TET3: variants seen among roughly 807,000 people sequenced by gnomAD.
The protein encoded by TET3 is tet methylcytosine dioxygenase 3, also known as methylcytosine dioxygenase TET3.
A neutral mutation model predicts 141.4 loss-of-function variants in TET3; 19 were observed. The observed-to-expected ratio is 0.13, with a 90% CI of 0.09 to 0.20. The LOEUF is 0.20. Among genes scored for constraint, TET3 ranks in the 10% least tolerant of loss-of-function variants. The probability of loss-of-function intolerance (pLI) is 1.00; values close to 1 mark genes in which losing one functional copy is unlikely to be tolerated. For synonymous variants in TET3, 1,043 were observed against 980.9 expected (o/e 1.06, Z -1.18); for missense variants, 1,874 against 2,356.9 (o/e 0.80, Z 4.24).
chr2:74,095,427 G>A (rs1458940717), intron 10 of TET3, among the ~76,000 whole-genome samples: 2 of 151,956 alleles, frequency 1.3e-5, no homozygotes, highest in Non-Finnish European at 1.5e-5. Flanking sequence ...AGAGTTTGGG[G>A]TTGAAAAAAG....
chr2:74,055,306 C>T (rs1296313348), intron 4 of TET3, among the ~76,000 whole-genome samples: 1 of 152,156 alleles, frequency 6.6e-6, no homozygotes, highest in African/African-American at 2.4e-5. Context: ...TATTTATACT[C>T]TGCAAAGGTG....
chr2:74,095,895 A>G (rs1690796874), intron 10 of TET3, among the ~76,000 whole-genome samples: 1 of 152,192 alleles, frequency 6.6e-6, no homozygotes, highest in Non-Finnish European at 1.5e-5. Flanking sequence ...TAATTCTCCT[A>G]CTTACTTGGC....
intron 2 of TET3, among the ~76,000 whole-genome samples, chr2:73,989,540 C>T (rs75857081): frequency 2.9e-4 from 44 of 152,118 alleles, no homozygotes; most frequent in African/African-American, 1.0e-3. Context: ...TGGGCTTTGT[C>T]GGTGGGGAGA....
intron 3 of TET3, among the ~76,000 whole-genome samples, chr2:74,008,412 G>T (rs1685256369): frequency 6.6e-6 from 1 of 152,216 alleles, no homozygotes; most frequent in Non-Finnish European, 1.5e-5. Context: ...GAACAGTTGG[G>T]GAGGAAGCCA....
the TET3 span, chr2:74,135,392 A>G: frequency 1.1e-5 from 9 of 854,822 alleles, no homozygotes; most frequent in East Asian, 2.4e-4. Context: ...AACCTGAAAC[A>G]TTACTAATGA....
the TET3 span, among the ~76,000 whole-genome samples, chr2:74,133,994 C>T: frequency 0.44 from 66,622 of 151,890 alleles, 14,794 homozygotes; most frequent in South Asian, 0.54. Context: ...CCCCCCCCCT[C>T]GGCCTCTCAA....
Position 74,087,345 on chromosome 2 carries a change from G to A in TET3, c.2680-485G>A, listed in dbSNP as rs1480888422. ...CGAGTGTATTCCTAGGCATGGAATT[G>A]CTGGATCATATGGTAATCCTATGTT... On this transcript the variant is annotated intron_variant, in intron 6 of 11. Coordinates refer to ENST00000409262, the MANE Select transcript of TET3 (RefSeq NM_001287491.2). This position sits in a 1 kb window ranked among gnomAD's most constrained non-coding sequence, Gnocchi z 4.3. Among the ~76,000 whole-genome samples, 1 of 152,158 alleles carries A rather than the reference G, an allele frequency of 6.6e-6. No individual in the cohort carries two copies. Among genetic ancestry groups the A allele is most frequent in the African/African-American group, 2.4e-5 (1 of 41,424 alleles).
Position 74,100,833 on chromosome 2 carries a change from G to A in TET3, c.4045G>A (p.Ala1349Thr), listed in dbSNP as rs1390296758. The change falls in exon 12 of 12, where the codon GCC becomes ACC. Residue 1349 changes from alanine to threonine, a missense_variant. By Grantham distance (58) the Ala-to-Thr change is moderately conservative. Around this residue, in one of 10 missense-constraint regions of TET3, gnomAD observed 602 missense variants for 590.2 expected, o/e 1.02. Coordinates refer to ENST00000409262, the MANE Select transcript of TET3 (RefSeq NM_001287491.2). ...GCCCAGCCAGGCTGTTCCCACAGAC[G>A]CCCACCACCCCACTCCTCACCACCA... Reference protein sequence around the residue: ...ELPSQAVPTDAHHPTPHHQQP... With the variant: ...ELPSQAVPTDTHHPTPHHQQP... 53 of 1,611,734 alleles carry A rather than the reference G, an allele frequency of 3.3e-5. No homozygotes were observed. Among genetic ancestry groups the A allele is most frequent in the Non-Finnish European group, 3.6e-5 (42 of 1,179,162 alleles).
intron 3 of TET3, among the ~76,000 whole-genome samples, chr2:74,024,283 A>G (rs1219911464): frequency 6.6e-6 from 1 of 152,172 alleles, no homozygotes; most frequent in Non-Finnish European, 1.5e-5. Flanking sequence ...TTGTATGCTC[A>G]TGGTTGGAAC....
intron 4 of TET3, among the ~76,000 whole-genome samples, chr2:74,069,200 TA>T (rs1689068310): frequency 6.6e-6 from 1 of 151,658 alleles, no homozygotes; most frequent in Non-Finnish European, 1.5e-5. Context: ...GGGGATAAGG[TA>T]TTAAGTATGG....
chr2:73,998,783 G>A lies in TET3; in HGVS notation c.304-4327G>A, dbSNP rs1226850464. Among the ~76,000 whole-genome samples the A allele has an allele frequency of 2.6e-5, 4 of 152,140 alleles. 1 individual carries two copies. In the South Asian group the frequency reaches 6.2e-4, roughly 24 times the overall value. ...GGGACTTCAAACATAGGCTCTGAAGGTGGAGGGGGTGTTGGGTTTTTTTTT... is the reference window on the plus strand; with the variant it reads ...GGGACTTCAAACATAGGCTCTGAAGATGGAGGGGGTGTTGGGTTTTTTTTT... On this transcript the variant is annotated intron_variant, in intron 2 of 11. Coordinates refer to ENST00000409262, the MANE Select transcript of TET3 (RefSeq NM_001287491.2).
At chr2:74,084,487 C>G (rs1222562966) in intron 6 of TET3, among the ~76,000 whole-genome samples, 1 of 150,950 alleles carries the variant, frequency 6.6e-6, no homozygotes, top group East Asian at 2.0e-4. Context: ...GAGTCTCGCT[C>G]TGTCGCCCAG....
intron 6 of TET3, among the ~76,000 whole-genome samples, chr2:74,081,032 C>T (rs1349151474): frequency 6.6e-6 from 1 of 152,196 alleles, no homozygotes; most frequent in Admixed American, 6.5e-5. Flanking sequence ...TTGTCTGCTG[C>T]CTGGAAGCCA....
chr2:74,123,620 C>T, the TET3 span, among the ~76,000 whole-genome samples: 1 of 152,188 alleles, frequency 6.6e-6, no homozygotes. Context: ...CCTCCACCTC[C>T]CAGCCGCCTG....
downstream of TET3, among the ~76,000 whole-genome samples, chr2:74,108,398 T>G (rs1320559181): frequency 4.6e-5 from 7 of 152,236 alleles, no homozygotes; most frequent in Non-Finnish European, 1.0e-4. Context: ...AAAATAGAGA[T>G]GGCCTTTTTC....
intron 4 of TET3, among the ~76,000 whole-genome samples, chr2:74,067,683 G>A (rs1277554121): frequency 6.6e-6 from 1 of 152,186 alleles, no homozygotes; most frequent in Non-Finnish European, 1.5e-5. Flanking sequence ...ATTTAAACTA[G>A]GCCCTTTCTT....
At chr2:74,108,726 A>G (rs1691634017), downstream of TET3, among the ~76,000 whole-genome samples, 1 of 152,192 alleles carries the variant, frequency 6.6e-6, no homozygotes, top group South Asian at 2.1e-4. Flanking sequence ...TGAATTGAGG[A>G]AGGAGGAGAG....
rs1303582187 is a variant in TET3 at position 74,046,955 on chromosome 2, T to C, written c.1038T>C (p.Ile346=). 1.2e-6 allele frequency: 2 copies of C among 1,613,890 alleles called. No individual in the cohort carries two copies. The highest frequency in any genetic ancestry group is 2.2e-5 in the South Asian group (2 of 91,078). The stretch of plus-strand genomic sequence containing the variant: ...CCCTGTCCCAGAGTGCCCTGAGCAT[T>C]GCCAAGGAAAAAAACATCAGCTTGC... ...GLPLSQSALS[I]AKEKNISLQT... Residue 346 remains isoleucine (I), a synonymous_variant, in exon 4 of 12, where the codon ATT becomes ATC. Transcript: ENST00000409262. The surrounding 1 kb of genome is among the most constrained non-coding windows in gnomAD (Gnocchi z 4.3).
the TET3 span, among the ~76,000 whole-genome samples, chr2:74,128,236 A>C: frequency 6.6e-6 from 1 of 152,168 alleles, no homozygotes; most frequent in Non-Finnish European, 1.5e-5. Context: ...ATGTTTGCCA[A>C]GATGTTTGGA....
Sources: allele counts gnomAD v4.1 joint callset (sites outside exome capture counted in the v4.1 genomes callset), GRCh38; gene constraint gnomAD v4.1.1; regional missense constraint gnomAD v4.1.1; non-coding constraint Gnocchi (gnomAD v3.1); transcripts MANE v1.5; gene names NCBI Gene and HGNC (gene_info 2026-07-23, HGNC 2026-07-21).